The following EVX1 variants were observed in gnomAD, a reference collection of about 807,000 sequenced individuals.
The protein encoded by EVX1 is homeobox even-skipped homolog protein 1.
In EVX1, 19 loss-of-function variants were observed where a neutral mutation model predicts 28.6. That is an observed-to-expected ratio of 0.67 (90% CI 0.46 to 0.98). The LOEUF (loss-of-function observed/expected upper bound fraction) is 0.98. Among genes scored for constraint, EVX1 ranks in the 50% least tolerant of loss-of-function variants. The pLI, the probability that EVX1 is intolerant of heterozygous loss-of-function variation, is 0.00. For synonymous variants in EVX1, 324 were observed against 278.2 expected, an observed-to-expected ratio of 1.16 and a Z score of -1.64; for missense variants, 660 against 583.0, an observed-to-expected ratio of 1.13 and a Z score of -1.36.
Position 27,246,562 on chromosome 7 carries a change from C to A in EVX1, c.*137C>A. 3 of 909,866 alleles carry A rather than the reference C, an allele frequency of 3.3e-6. No homozygotes were observed. The highest frequency in any genetic ancestry group is 4.8e-6 in the Non-Finnish European group (3 of 623,518). The allele number at this position is 909,866 out of a possible 1,614,324, so 56.4% of individuals were successfully genotyped here. On this transcript the variant is annotated 3_prime_UTR_variant, in exon 3 of 3. Transcript: ENST00000496902. ...GGGGAAAGGAGAGGGCGGAAAAGGA[C>A]CAGCGGGATCCGGCCGCAAGAATTG...
Position 27,243,307 on chromosome 7 carries a change from G to T in EVX1, c.277G>T (p.Gly93Cys), listed in dbSNP as rs750021188. 2.5e-6 allele frequency: 4 copies of T among 1,569,274 alleles called. No individual in the cohort carries two copies. The African/African-American group carries it at 4.1e-5, about 16-fold the overall frequency. Residue 93 changes from glycine to cysteine, a missense_variant, in exon 1 of 3, where the codon GGC becomes TGC. This residue lies in a region of EVX1 where 308 missense variants were observed against 256.6 expected (regional missense o/e 1.20). Coordinates refer to ENST00000496902, the MANE Select transcript of EVX1 (RefSeq NM_001989.5). ...CCAGGTAGCTGGGGCGGCCATGCTC[G>T]GCCCAGGACCCCCGGCCCCCTCAGT... The part of the protein sequence containing the change: ...EPQVAGAAML[G>C]PGPPAPSVDS...
At chr7:27,245,384 G>T (rs762710237) in intron 2 of EVX1, 80 bp downstream of exon 2, 3 of 1,569,288 alleles carry the variant, frequency 1.9e-6, no homozygotes, top group Non-Finnish European at 1.7e-6. Flanking sequence ...TCCCTGAAAC[G>T]CAGGCCAGGA....
chr7:27,246,112 T>C lies in EVX1; in HGVS notation c.911T>C (p.Leu304Pro). 2 of 1,545,446 alleles carry C rather than the reference T, an allele frequency of 1.3e-6. No individual in the cohort carries two copies. Among genetic ancestry groups the C allele is most frequent in the South Asian group, 1.2e-5 (1 of 84,862 alleles). Reference protein sequence around the residue: ...SAAASPFSGSLRPLDTFRVLS... With the variant: ...SAAASPFSGSPRPLDTFRVLS... Reference sequence around the variant, plus strand: ...GCCGCCTCGCCCTTCAGCGGCTCGCTGCGCCCGCTCGACACGTTCCGCGTG... The same window carrying C: ...GCCGCCTCGCCCTTCAGCGGCTCGCCGCGCCCGCTCGACACGTTCCGCGTG... Residue 304 changes from leucine to proline, a missense_variant, in exon 3 of 3, where the codon CTG becomes CCG. By Grantham distance (98) the Leu-to-Pro change is moderately conservative. Transcript: ENST00000496902.
chr7:27,243,115 G>T lies in EVX1; in HGVS notation c.85G>T (p.Glu29Ter). The T allele has an allele frequency of 6.2e-7, 1 of 1,611,478 alleles. No individual in the cohort carries two copies. The highest frequency in any genetic ancestry group is 8.5e-7 in the Non-Finnish European group (1 of 1,178,982). The change falls in exon 1 of 3, where the codon GAA becomes TAA. Residue 29 changes from glutamate to a stop codon, truncating the protein, a stop_gained. Transcript: ENST00000496902. LOFTEE classifies it high-confidence loss of function. ...TGGCAAGAGAGTCTCAAATTTGTCC[G>T]AAGCCGTGGGCAGCCCGCTGCCGGA... ...LVGKRVSNLSEAVGSPLPEPP... is the reference protein window; with the variant it reads ...LVGKRVSNLS
Position 27,243,111 on chromosome 7 carries a change from G to T in EVX1, c.81G>T (p.Leu27Phe), listed in dbSNP as rs754079839. 1.9e-6 allele frequency: 3 copies of T among 1,611,702 alleles called. No homozygotes were observed. The highest frequency in any genetic ancestry group is 2.5e-6 in the Non-Finnish European group (3 of 1,179,124). Reference protein sequence around the residue: ...GTLVGKRVSNLSEAVGSPLPE... With the variant: ...GTLVGKRVSNFSEAVGSPLPE... Reference sequence around the variant, plus strand: ...TGGTTGGCAAGAGAGTCTCAAATTTGTCCGAAGCCGTGGGCAGCCCGCTGC... The same window carrying T: ...TGGTTGGCAAGAGAGTCTCAAATTTTTCCGAAGCCGTGGGCAGCCCGCTGC... The change falls in exon 1 of 3, where the codon TTG becomes TTT. Residue 27 changes from leucine (L) to phenylalanine (F), a missense_variant. Transcript: ENST00000496902.
In EVX1 at chr7:27,246,512, C is replaced by A; in HGVS notation, c.*87C>A. On this transcript the variant is annotated 3_prime_UTR_variant, in exon 3 of 3. Coordinates refer to ENST00000496902, the MANE Select transcript of EVX1 (RefSeq NM_001989.5). The stretch of plus-strand genomic sequence containing the variant: ...TCAGCCAGCCTCGCTCCTCGCTCCT[C>A]GCTCCTCGCCCCTAGGACGCCAAGG... 1 of 1,340,106 alleles carries A rather than the reference C, an allele frequency of 7.5e-7. No individual in the cohort carries two copies. The highest frequency in any genetic ancestry group is 2.6e-5 in the East Asian group (1 of 37,880). The allele number at this position is 1,340,106 out of a possible 1,614,324, so 83.0% of individuals were successfully genotyped here. A position where few individuals can be genotyped will look rare whatever the true frequency, so the allele number is the denominator to read the frequency against.
In EVX1 at chr7:27,246,290, G is replaced by C; in HGVS notation, c.1089G>C (p.Arg363=). ...GCCCGGCCAACGGGCTGGCGCCCCG[G>C]GCTGCCGCCGCCTCGGACTTCACCT... ...HSGPANGLAP[R]AAAASDFTCA... The change falls in exon 3 of 3, where the codon CGG becomes CGC. Residue 363 remains arginine, a synonymous_variant. Transcript: ENST00000496902. The C allele has an allele frequency of 6.3e-7, 1 of 1,582,342 alleles. No individual in the cohort carries two copies. Among genetic ancestry groups the C allele is most frequent in the Non-Finnish European group, 8.5e-7 (1 of 1,171,616 alleles).
chr7:27,243,446 A>T lies in EVX1; in HGVS notation c.416A>T (p.Gln139Leu). The change falls in exon 1 of 3, where the codon CAG becomes CTG. Residue 139 changes from glutamine to leucine, a missense_variant. Gln to Leu is a moderately radical substitution (Grantham distance 113, BLOSUM62 -2). Transcript: ENST00000496902. ...PDCATGNAEYQHSKGSGSEAL... is the reference protein window; with the variant it reads ...PDCATGNAEYLHSKGSGSEAL... Reference sequence around the variant, plus strand: ...TGCGCCACCGGGAACGCCGAGTACCAGCACAGCAAAGGTAGCCACCGTGCC... The same window carrying T: ...TGCGCCACCGGGAACGCCGAGTACCTGCACAGCAAAGGTAGCCACCGTGCC... The T allele has an allele frequency of 6.2e-7, 1 of 1,600,232 alleles. No homozygotes were observed. Among genetic ancestry groups the T allele is most frequent in the African/African-American group, 1.3e-5 (1 of 74,612 alleles).
intron 1 of EVX1, 67 bp downstream of exon 1, chr7:27,243,524 A>G: frequency 1.3e-6 from 2 of 1,495,590 alleles, no homozygotes; most frequent in Non-Finnish European, 8.9e-7. Flanking sequence ...GGCGCAGGCC[A>G]GGAGGAAGAC....
At chr7:27,243,696 C>T (rs1783090768) in intron 1 of EVX1, 1 of 469,874 alleles carries the variant, frequency 2.1e-6, no homozygotes, top group South Asian at 4.3e-5. Context: ...GATGCAAGTC[C>T]TGGACTTGGG....
At position 27,243,132 on chromosome 7, in the gene EVX1, G is replaced by C. The variant is rs1361255981; in HGVS notation, c.102G>C (p.Pro34=). 1 of 1,607,974 alleles carries C rather than the reference G, an allele frequency of 6.2e-7. No homozygotes were observed. ...VSNLSEAVGS[P]LPEPPEKMVP... ...ATTTGTCCGAAGCCGTGGGCAGCCC[G>C]CTGCCGGAGCCGCCCGAGAAAATGG... Residue 34 remains proline (P), a synonymous_variant, in exon 1 of 3, where the codon CCG becomes CCC. Coordinates refer to ENST00000496902, the MANE Select transcript of EVX1 (RefSeq NM_001989.5).
chr7:27,247,435 T>A lies in EVX1; in HGVS notation c.*1010T>A, dbSNP rs1355885906. On this transcript the variant is annotated 3_prime_UTR_variant, in exon 3 of 3. Coordinates refer to ENST00000496902, the MANE Select transcript of EVX1 (RefSeq NM_001989.5). ...GAGGCAATTTTCATCCTTTGCTTGTTCACCTTCACTTCACCAGGAACTTTC... is the reference window on the plus strand; with the variant it reads ...GAGGCAATTTTCATCCTTTGCTTGTACACCTTCACTTCACCAGGAACTTTC... 1 of 152,200 alleles carries A rather than the reference T, an allele frequency of 6.6e-6. No individual in the cohort carries two copies. Among genetic ancestry groups the A allele is most frequent in the African/African-American group, 2.4e-5 (1 of 41,442 alleles). 9.4% of individuals were successfully genotyped at this position (152,200 alleles called of 1,614,324 possible). A position where few individuals can be genotyped will look rare whatever the true frequency, so the allele number is the denominator to read the frequency against.
chr7:27,246,078 G>T lies in EVX1; in HGVS notation c.877G>T (p.Ala293Ser), dbSNP rs200743818. Residue 293 changes from alanine to serine, a missense_variant, in exon 3 of 3, where the codon GCC becomes TCC. Physicochemically the swap from Ala to Ser is moderately conservative, Grantham distance 99. Coordinates refer to ENST00000496902, the MANE Select transcript of EVX1 (RefSeq NM_001989.5). ...SPVGLGAASA[A>S]SAAASPFSGS... The stretch of plus-strand genomic sequence containing the variant: ...GGTGGGCCTGGGCGCCGCATCCGCC[G>T]CCTCCGCCGCCGCCTCGCCCTTCAG... 447 of 1,572,266 alleles carry T rather than the reference G, an allele frequency of 2.8e-4. 2 individuals carry two copies. The African/African-American group carries it at 5.7e-3, about 20-fold the overall frequency.
Position 27,246,764 on chromosome 7 carries a change from T to TCGGC in EVX1, c.*340_*341insGGCC, listed in dbSNP as rs1783204843. 10 of 343,648 alleles carry TCGGC rather than the reference T, an allele frequency of 2.9e-5. No homozygotes were observed. The highest frequency in any genetic ancestry group is 7.5e-5 in the East Asian group (1 of 13,258). The allele number at this position is 343,648 out of a possible 1,614,324, so 21.3% of individuals were successfully genotyped here. ...AGCAGCAACAGCAACCAATATCCAG[T>TCGGC]CCCTCGGCCCCTCGGCCCCTCACCC... On this transcript the variant is annotated 3_prime_UTR_variant, in exon 3 of 3. Transcript: ENST00000496902.
rs560432556 is a variant in EVX1 at position 27,246,319 on chromosome 7, C to T, written c.1118C>T (p.Ala373Val). 1.3e-6 allele frequency: 2 copies of T among 1,595,764 alleles called. No homozygotes were observed. Among genetic ancestry groups the T allele is most frequent in the South Asian group, 2.2e-5 (2 of 89,606 alleles). Residue 373 changes from alanine to valine, a missense_variant, in exon 3 of 3, where the codon GCC (alanine) becomes GTC (valine). Ala to Val is a moderately conservative substitution (Grantham distance 64). Around this residue, in one of 3 missense-constraint regions of EVX1, gnomAD observed 299 missense variants for 241.3 expected, o/e 1.24. Coordinates refer to ENST00000496902, the MANE Select transcript of EVX1 (RefSeq NM_001989.5). ...RAAAASDFTC[A>V]STSRSDSFLT... ...GCCGCCGCCTCGGACTTCACCTGTGCCTCCACCTCCCGCTCGGACTCCTTC... is the reference window on the plus strand; with the variant it reads ...GCCGCCGCCTCGGACTTCACCTGTGTCTCCACCTCCCGCTCGGACTCCTTC...
At chr7:27,244,557 C>T (rs1171680921) in intron 1 of EVX1, 27 of 916,050 alleles carry the variant, frequency 2.9e-5, no homozygotes, top group Non-Finnish European at 3.5e-5. Context: ...CTCACTCCAG[C>T]CCTGCAATAC....
intron 1 of EVX1, chr7:27,244,364 C>A (rs1052601801): frequency 6.4e-6 from 2 of 310,586 alleles, no homozygotes; most frequent in Non-Finnish European, 9.1e-6. Flanking sequence ...GTGGAAAGAG[C>A]CTGGGGGCGG....
In EVX1 at chr7:27,246,777, C is replaced by T. The variant is rs1462521147; in HGVS notation, c.*352C>T. The T allele has an allele frequency of 1.8e-5, 6 of 328,378 alleles. No homozygotes were observed. Among genetic ancestry groups the T allele is most frequent in the African/African-American group, 2.2e-5 (1 of 44,700 alleles). 20.3% of individuals were successfully genotyped at this position (328,378 alleles called of 1,614,324 possible). A position where few individuals can be genotyped will look rare whatever the true frequency, so the allele number is the denominator to read the frequency against. On this transcript the variant is annotated 3_prime_UTR_variant, in exon 3 of 3. Coordinates refer to ENST00000496902, the MANE Select transcript of EVX1 (RefSeq NM_001989.5). ...ACCAATATCCAGTCCCTCGGCCCCT[C>T]GGCCCCTCACCCTCCACCTCACACT... is the stretch of plus-strand genomic sequence containing the variant.
In EVX1 at chr7:27,243,078, T is replaced by A. The variant is rs61733923; in HGVS notation, c.48T>A (p.Leu16=). The A allele has an allele frequency of 1.9e-4, 301 of 1,611,744 alleles. 1 individual carries two copies. The highest frequency in any genetic ancestry group is 2.5e-4 in the Non-Finnish European group (289 of 1,179,168). Residue 16 remains leucine (L), a synonymous_variant, in exon 1 of 3, where the codon CTT becomes CTA. Coordinates refer to ENST00000496902, the MANE Select transcript of EVX1 (RefSeq NM_001989.5). The part of the protein sequence containing the change: ...DMVVFLDGGQ[L]GTLVGKRVSN... Reference sequence around the variant, plus strand: ...TTGTGTTTCTGGATGGGGGTCAGCTTGGCACTCTGGTTGGCAAGAGAGTCT... The same window carrying A: ...TTGTGTTTCTGGATGGGGGTCAGCTAGGCACTCTGGTTGGCAAGAGAGTCT...
Sources: allele counts gnomAD v4.1 joint callset, GRCh38; gene constraint gnomAD v4.1.1; regional missense constraint gnomAD v4.1.1; transcripts MANE v1.5; gene names NCBI Gene and HGNC (gene_info 2026-07-23, HGNC 2026-07-21).